TPRG1: variants seen among roughly 807,000 people sequenced by gnomAD.
The protein encoded by TPRG1 is tumor protein p63-regulated gene 1 protein.
In TPRG1, 29 loss-of-function variants were observed where a neutral mutation model predicts 29.3. The observed-to-expected ratio is 0.99, with a 90% CI of 0.74 to 1.35. The LOEUF is 1.35. Among genes scored for constraint, TPRG1 ranks in the 40% most tolerant of loss-of-function variants. The probability of loss-of-function intolerance (pLI) is 0.00; values close to 1 mark genes in which losing one functional copy is unlikely to be tolerated. For missense variants in TPRG1, 327 were observed against 335.0 expected, an observed-to-expected ratio of 0.98 and a Z score of 0.19; for synonymous variants, 130 against 116.8, an observed-to-expected ratio of 1.11 and a Z score of -0.73.
At chr3:189,272,599 A>T (rs1715332392) in intron 4 of TPRG1, among the ~76,000 whole-genome samples, 1 of 145,684 alleles carries the variant, frequency 6.9e-6, no homozygotes, top group African/African-American at 2.7e-5. Flanking sequence ...TCTTCTGCCA[A>T]GTCTCTTCTC....
At chr3:189,173,726 T>C (rs1236097051) in intron 1 of TPRG1, among the ~76,000 whole-genome samples, 1 of 152,058 alleles carries the variant, frequency 6.6e-6, no homozygotes, top group African/African-American at 2.4e-5. Flanking sequence ...TCTCTTACTC[T>C]TTCATTGCCC....
At chr3:189,091,953 C>T (rs796109864) in intron 4 of TPRG1, among the ~76,000 whole-genome samples, 23 of 152,054 alleles carry the variant, frequency 1.5e-4, no homozygotes, top group African/African-American at 5.5e-4. Flanking sequence ...TCTGTATGTC[C>T]TTATTTTGCT....
intron 4 of TPRG1, among the ~76,000 whole-genome samples, chr3:189,242,676 G>T (rs1740806766): frequency 6.6e-6 from 1 of 151,772 alleles, no homozygotes; most frequent in Non-Finnish European, 1.5e-5. Flanking sequence ...TTTTTTAAAA[G>T]ATTTTTTATA....
chr3:189,319,709 T>C (rs935012526), intron 5 of TPRG1, among the ~76,000 whole-genome samples: 1 of 152,100 alleles, frequency 6.6e-6, no homozygotes, highest in Admixed American at 6.6e-5. Context: ...GGATTATTAT[T>C]ATTTGTAAAA....
intron 5 of TPRG1, among the ~76,000 whole-genome samples, chr3:189,311,156 G>T (rs1255225039): frequency 6.6e-6 from 1 of 152,086 alleles, no homozygotes; most frequent in South Asian, 2.1e-4. Context: ...CCTCCCCCAG[G>T]CATCTAAAGC....
chr3:189,113,450 G>C (rs1305773925), intron 1 of TPRG1, among the ~76,000 whole-genome samples: 1 of 152,052 alleles, frequency 6.6e-6, no homozygotes. Context: ...TCCCTGTCTT[G>C]TGCCAGTTTT....
chr3:189,237,278 C>T (rs1336051939), intron 3 of TPRG1, among the ~76,000 whole-genome samples: 3 of 151,956 alleles, frequency 2.0e-5, no homozygotes, highest in Non-Finnish European at 1.5e-5. Flanking sequence ...AACACACATA[C>T]ACACACATGC....
chr3:189,293,556 C>T (rs1719372436), intron 4 of TPRG1, among the ~76,000 whole-genome samples: 1 of 152,126 alleles, frequency 6.6e-6, no homozygotes, highest in African/African-American at 2.4e-5. Context: ...GTCTCATTTC[C>T]CCTCCCACCA....
At chr3:189,133,091 T>A (rs570618888) in intron 3 of TPRG1, among the ~76,000 whole-genome samples, 1 of 152,120 alleles carries the variant, frequency 6.6e-6, no homozygotes, top group Non-Finnish European at 1.5e-5. Flanking sequence ...GAGAGACTAG[T>A]GTAAAGAAAG....
chr3:189,045,630 A>G lies in TPRG1; in HGVS notation c.-463+21684A>G, dbSNP rs111255082. The stretch of plus-strand genomic sequence containing the variant: ...CACGGAATAGAAGCTGGTACAGAAT[A>G]ACTATCTGCTAAGTGGTAGCTATTT... On this transcript the variant is annotated intron_variant, in intron 4 of 10. Coordinates refer to the TPRG1 transcript ENST00000433971. Among the ~76,000 whole-genome samples, 126 of 152,356 alleles carry G rather than the reference A, an allele frequency of 8.3e-4. 1 individual carries two copies. Among genetic ancestry groups the G allele is most frequent in the African/African-American group, 2.6e-3 (110 of 41,568 alleles).
At chr3:189,032,585 C>T (rs1336959614) in intron 4 of TPRG1, among the ~76,000 whole-genome samples, 2 of 148,634 alleles carry the variant, frequency 1.3e-5, no homozygotes, top group Non-Finnish European at 3.0e-5. Context: ...TTAATCTCTC[C>T]TTTTTTTTTC....
intron 1 of TPRG1, among the ~76,000 whole-genome samples, chr3:189,124,688 T>C (rs548561127): frequency 1.3e-5 from 2 of 152,282 alleles, no homozygotes; most frequent in South Asian, 2.1e-4. Context: ...GAGGAAACTA[T>C]TTATCTTACA....
intron 5 of TPRG1, among the ~76,000 whole-genome samples, chr3:189,316,917 T>C (rs1358719001): frequency 6.6e-6 from 1 of 152,150 alleles, no homozygotes; most frequent in Non-Finnish European, 1.5e-5. Flanking sequence ...TGGCCTTTTG[T>C]CTGCCTCTCC....
chr3:189,163,754 C>T (rs1169760469), intron 5 of TPRG1, among the ~76,000 whole-genome samples: 6 of 152,232 alleles, frequency 3.9e-5, no homozygotes, highest in East Asian at 1.9e-4. Context: ...CACAACTTTA[C>T]AGGTACCTCC....
At chr3:189,088,008 T>A (rs1291179395) in intron 4 of TPRG1, among the ~76,000 whole-genome samples, 1 of 144,164 alleles carries the variant, frequency 6.9e-6, no homozygotes, top group Non-Finnish European at 1.5e-5. Context: ...TGGTTCCATA[T>A]GAACTTTAAA....
rs558635475 is a variant in TPRG1 at position 189,297,969 on chromosome 3, C to G, written c.480-12417C>G. Among the ~76,000 whole-genome samples the G allele has an allele frequency of 3.3e-5, 5 of 152,252 alleles. No individual in the cohort carries two copies. The South Asian group carries it at 1.0e-3, about 32-fold the overall frequency. On this transcript the variant is annotated intron_variant, in intron 4 of 5. Coordinates refer to ENST00000345063, the MANE Select transcript of TPRG1 (RefSeq NM_198485.4). ...CCAGGTCTCCGTCTGAACTATCGCTCTGGGCCTGGGTGGAAATGCAAAGCT... is the reference window on the plus strand; with the variant it reads ...CCAGGTCTCCGTCTGAACTATCGCTGTGGGCCTGGGTGGAAATGCAAAGCT...
At chr3:188,999,272 G>A (rs1016102296) in intron 1 of TPRG1, among the ~76,000 whole-genome samples, 5 of 152,148 alleles carry the variant, frequency 3.3e-5, no homozygotes, top group Non-Finnish European at 7.3e-5. Flanking sequence ...GATTAAATGG[G>A]GTGGTGGTGA....
chr3:189,161,142 T>G (rs1727420407), intron 5 of TPRG1, among the ~76,000 whole-genome samples: 1 of 152,240 alleles, frequency 6.6e-6, no homozygotes, highest in African/African-American at 2.4e-5. Context: ...GTGACAGGCA[T>G]TTAGGAAGTG....
chr3:189,079,123 C>T (rs1201550075), intron 4 of TPRG1, among the ~76,000 whole-genome samples: 2 of 152,090 alleles, frequency 1.3e-5, no homozygotes, highest in Non-Finnish European at 2.9e-5. Flanking sequence ...TGTCACATAG[C>T]AAGGGAGGGA....
Sources: allele counts gnomAD v4.1 joint callset (sites outside exome capture counted in the v4.1 genomes callset), GRCh38; gene constraint gnomAD v4.1.1; transcripts MANE v1.5; gene names NCBI Gene and HGNC (gene_info 2026-07-23, HGNC 2026-07-21).